Variants in PLAAT1 observed in about 807,000 individuals in gnomAD.
The protein encoded by PLAAT1 is phospholipase A and acyltransferase 1, also known as H-REV107 protein-related protein.
In PLAAT1, 13 loss-of-function variants were observed where a neutral mutation model predicts 16.4. That is an observed-to-expected ratio of 0.79 (90% CI 0.52 to 1.26). The LOEUF is 1.26. PLAAT1 is among the 50% of genes most tolerant of loss of function. PLAAT1 has a pLI of 0.00. For synonymous variants in PLAAT1, 73 were observed against 78.4 expected, an observed-to-expected ratio of 0.93 and a Z score of 0.36; for missense variants, 218 against 207.8, an observed-to-expected ratio of 1.05 and a Z score of -0.30.
At chr3:193,242,282 A>G (rs1015735865) in intron 1 of PLAAT1, among the ~76,000 whole-genome samples, 2 of 152,078 alleles carry the variant, frequency 1.3e-5, no homozygotes, top group African/African-American at 2.4e-5. Context: ...ACAAGAGACA[A>G]TTTCCCAGAG....
At chr3:193,241,149 G>A (rs561001374), upstream of PLAAT1, 106 of 1,156,170 alleles carry the variant, frequency 9.2e-5, no homozygotes, top group African/African-American at 1.5e-3. Flanking sequence ...GGCGAAGCTG[G>A]GCTCGGGGCC....
At chr3:193,268,323 G>A (rs944310434) in intron 3 of PLAAT1, among the ~76,000 whole-genome samples, 2 of 152,124 alleles carry the variant, frequency 1.3e-5, no homozygotes, top group African/African-American at 4.8e-5. Context: ...AGGAAAGAGC[G>A]TTTTGATAAA....
chr3:193,258,437 C>T (rs1560102290), intron 2 of PLAAT1, among the ~76,000 whole-genome samples: 1 of 151,488 alleles, frequency 6.6e-6, no homozygotes, highest in Non-Finnish European at 1.5e-5. Flanking sequence ...AATGGAGATA[C>T]AAAAATCCAT....
intron 2 of PLAAT1, among the ~76,000 whole-genome samples, chr3:193,256,205 T>G (rs1300026360): frequency 1.3e-5 from 2 of 152,194 alleles, no homozygotes; most frequent in African/African-American, 4.8e-5. Context: ...TGGTGGAGTT[T>G]ACATTTTAGT....
chr3:193,257,429 A>G (rs1265454073), intron 2 of PLAAT1, among the ~76,000 whole-genome samples: 1 of 152,208 alleles, frequency 6.6e-6, no homozygotes, highest in Non-Finnish European at 1.5e-5. Flanking sequence ...TTAATATGAT[A>G]TTTATTTGAA....
At chr3:193,253,104 C>T (rs1716254335) in intron 1 of PLAAT1, among the ~76,000 whole-genome samples, 1 of 152,098 alleles carries the variant, frequency 6.6e-6, no homozygotes, top group South Asian at 2.1e-4. Flanking sequence ...GTTTGGAGAC[C>T]ATTAGATTAG....
chr3:193,243,212 T>C (rs1715845207), intron 1 of PLAAT1, among the ~76,000 whole-genome samples: 1 of 152,228 alleles, frequency 6.6e-6, no homozygotes, highest in Admixed American at 6.5e-5. Context: ...TTTTTTTACC[T>C]TAAAGATTGT....
chr3:193,269,478 G>A (rs978327240), intron 3 of PLAAT1, among the ~76,000 whole-genome samples: 4 of 152,130 alleles, frequency 2.6e-5, no homozygotes, highest in African/African-American at 9.7e-5. Context: ...CCTTGTGCCT[G>A]TTCCTAACAG....
chr3:193,251,029 A>G (rs753270852), intron 1 of PLAAT1, among the ~76,000 whole-genome samples: 36 of 148,186 alleles, frequency 2.4e-4, no homozygotes, highest in Non-Finnish European at 4.4e-4. Context: ...GTGAGTGCCT[A>G]TCTCCTGTTC....
At chr3:193,250,669 G>A (rs1454174178) in intron 1 of PLAAT1, among the ~76,000 whole-genome samples, 1 of 152,076 alleles carries the variant, frequency 6.6e-6, no homozygotes, top group Admixed American at 6.6e-5. Flanking sequence ...AGAGGAAAAG[G>A]TGTAGAGGGA....
downstream of PLAAT1, chr3:193,279,435 C>T: frequency 6.2e-7 from 1 of 1,613,494 alleles, no homozygotes. Context: ...AGGCAGCTAG[C>T]AGCAGAAATG....
intron 1 of PLAAT1, among the ~76,000 whole-genome samples, chr3:193,247,379 A>G (rs1716019591): frequency 6.6e-6 from 1 of 152,238 alleles, no homozygotes; most frequent in African/African-American, 2.4e-5. Context: ...TGGAGCCACC[A>G]GAAATTCACG....
At chr3:193,244,497 A>T (rs980927655) in intron 1 of PLAAT1, among the ~76,000 whole-genome samples, 27 of 151,382 alleles carry the variant, frequency 1.8e-4, no homozygotes, top group Non-Finnish European at 3.4e-4. Flanking sequence ...ACAATGATTT[A>T]TATTTATGGG....
At chr3:193,272,535 C>T (rs551147357), downstream of PLAAT1, among the ~76,000 whole-genome samples, 118 of 152,186 alleles carry the variant, frequency 7.8e-4, no homozygotes, top group Admixed American at 1.8e-3. Context: ...GTTACCTTTC[C>T]CAAGGTACCC....
At chr3:193,279,976 TAAAAAAA>T (rs57617984), downstream of PLAAT1, among the ~76,000 whole-genome samples, 16 of 59,902 alleles carry the variant, frequency 2.7e-4, no homozygotes, top group East Asian at 2.6e-3. Flanking sequence ...GTGTCTTTGT[TAAAAAAA>T]AAAAAAAAAA....
At chr3:193,273,856 G>A (rs1478084518), downstream of PLAAT1, among the ~76,000 whole-genome samples, 1 of 152,140 alleles carries the variant, frequency 6.6e-6, no homozygotes, top group Non-Finnish European at 1.5e-5. Context: ...TTGTTTAGTA[G>A]CCTGAGAACT....
At chr3:193,276,932 C>T in intron 2 of PLAAT1, 1 of 863,984 alleles carries the variant, frequency 1.2e-6, no homozygotes. Context: ...ACTCTCTGAG[C>T]TTAGTGGTGG....
In PLAAT1 at chr3:193,241,277, C is replaced by A; in HGVS notation, c.-257C>A. 6 of 1,229,668 alleles carry A rather than the reference C, an allele frequency of 4.9e-6. No individual in the cohort carries two copies. The highest frequency in any genetic ancestry group is 6.1e-6 in the Non-Finnish European group (6 of 986,720). The allele number at this position is 1,229,668 out of a possible 1,614,324, so 76.2% of individuals were successfully genotyped here. ...CGGACGCCGAGCCCAGCGCGTCGGC[C>A]CCCCGGCGTGCGGGCGTCTCAGAGC... On this transcript the variant is annotated 5_prime_UTR_variant, in exon 1 of 4. Coordinates refer to ENST00000264735, the MANE Select transcript of PLAAT1 (RefSeq NM_020386.5).
chr3:193,277,582 C>T (rs1213776741), intron 2 of PLAAT1: 1 of 152,228 alleles, frequency 6.6e-6, no homozygotes, highest in African/African-American at 2.4e-5. Flanking sequence ...TAATTCTCAC[C>T]CCTATGCTGA....
Sources: allele counts gnomAD v4.1 joint callset (sites outside exome capture counted in the v4.1 genomes callset), GRCh38; gene constraint gnomAD v4.1.1; transcripts MANE v1.5; gene names NCBI Gene and HGNC (gene_info 2026-07-23, HGNC 2026-07-21).